The following GANC variants were observed in gnomAD, a reference collection of about 807,000 sequenced individuals.
GANC encodes the protein glucosidase alpha, neutral C, also known as neutral alpha-glucosidase C.
GANC carries 117 observed loss-of-function variants against 124.2 expected under a neutral mutation model. The ratio of observed to expected loss-of-function variants is 0.94; its 90% CI spans 0.81 to 1.10. The LOEUF (loss-of-function observed/expected upper bound fraction) is 1.10. Among genes scored for constraint, GANC ranks in the 50% least tolerant of loss-of-function variants. The pLI is 0.00. For synonymous variants in GANC, 377 were observed against 376.8 expected, an observed-to-expected ratio of 1.00 and a Z score of -0.01; for missense variants, 1,140 against 1,095.0, an observed-to-expected ratio of 1.04 and a Z score of -0.58.
In GANC at chr15:42,327,414, C is replaced by G; in HGVS notation, c.1472C>G (p.Ser491Ter). Residue 491 changes from serine to a stop codon, truncating the protein, a stop_gained, in exon 13 of 24, where the codon TCA becomes TGA. Coordinates refer to ENST00000318010, the MANE Select transcript of GANC (RefSeq NM_198141.3). LOFTEE classifies it high-confidence loss of function. Reference sequence around the variant, plus strand: ...AATCCCAAGGTCAGAGAGTGGTATTCAAGTCTTTTTGCTTTCCCTGTTTAT... The same window carrying G: ...AATCCCAAGGTCAGAGAGTGGTATTGAAGTCTTTTTGCTTTCCCTGTTTAT... ...FTNPKVREWYSSLFAFPVYQG... is the reference protein window; with the variant it reads ...FTNPKVREWY 6.2e-7 allele frequency: 1 copy of G among 1,613,372 alleles called. No homozygotes were observed. Among genetic ancestry groups the G allele is most frequent in the South Asian group, 1.1e-5 (1 of 90,956 alleles).
chr15:42,327,448 T>C lies in GANC; in HGVS notation c.1500+6T>C. On this transcript the variant is annotated splice_donor_region_variant and intron_variant, in intron 13 of 23. Transcript: ENST00000318010. ...TTGCTTTCCCTGTTTATCAGGTTGG[T>C]TTTTATTCCTTTGTTCTTTTCTAGT... 2 of 1,601,048 alleles carry C rather than the reference T, an allele frequency of 1.2e-6. No homozygotes were observed. The highest frequency in any genetic ancestry group is 1.7e-6 in the Non-Finnish European group (2 of 1,168,352).
At chr15:42,295,195 C>G (rs749220541) in intron 5 of GANC, among the ~76,000 whole-genome samples, 2 of 151,832 alleles carry the variant, frequency 1.3e-5, no homozygotes, top group Non-Finnish European at 2.9e-5. Flanking sequence ...AGGATGATCT[C>G]GATCTCCTGA....
At chr15:42,310,971 T>A in intron 10 of GANC, 125 bp downstream of exon 10, 1 of 1,042,632 alleles carries the variant, frequency 9.6e-7, no homozygotes, top group Non-Finnish European at 1.4e-6. Flanking sequence ...GCATTTTAAT[T>A]AGCAAGCATT....
chr15:42,349,282 T>G (rs1282711287), intron 21 of GANC, 101 bp from the exon 22 acceptor site: 17 of 750,850 alleles, frequency 2.3e-5, no homozygotes, highest in Non-Finnish European at 3.9e-5. Flanking sequence ...GCTTGAATTT[T>G]TCACAAACTT....
At position 42,327,367 on chromosome 15, in the gene GANC, C is replaced by T; in HGVS notation, c.1425C>T (p.Leu475=). 1 of 1,612,204 alleles carries T rather than the reference C, an allele frequency of 6.2e-7. No homozygotes were observed. The highest frequency in any genetic ancestry group is 2.2e-5 in the East Asian group (1 of 44,792). ...TCTACTGTTCTGCCTCCACAGGTCTCTCCTCTTACCTGGATTTCACCAATC... is the reference window on the plus strand; with the variant it reads ...TCTACTGTTCTGCCTCCACAGGTCTTTCCTCTTACCTGGATTTCACCAATC... ...EDFEGVCWPG[L]SSYLDFTNPK... Residue 475 remains leucine (L), a synonymous_variant, in exon 13 of 24, where the codon CTC becomes CTT. Coordinates refer to ENST00000318010, the MANE Select transcript of GANC (RefSeq NM_198141.3).
chr15:42,329,391 C>T lies in GANC; in HGVS notation c.1586C>T (p.Ala529Val). The part of the protein sequence containing the change: ...RGPEQTMQKN[A>V]IHHGNWEHRE... ...CCAGAGCAAACCATGCAGAAGAATG[C>T]CATTCATCATGGCAATTGGGAGCAC... is the stretch of plus-strand genomic sequence containing the variant. Residue 529 changes from alanine to valine, a missense_variant, in exon 14 of 24, where the codon GCC becomes GTC. By Grantham distance (64) the Ala-to-Val change is moderately conservative (BLOSUM62 0). Coordinates refer to ENST00000318010, the MANE Select transcript of GANC (RefSeq NM_198141.3). 1 of 1,613,912 alleles carries T rather than the reference C, an allele frequency of 6.2e-7. No individual in the cohort carries two copies.
At chr15:42,297,218 A>G (rs906454559) in intron 5 of GANC, among the ~76,000 whole-genome samples, 6 of 152,230 alleles carry the variant, frequency 3.9e-5, no homozygotes, top group African/African-American at 1.4e-4. Flanking sequence ...ATAAAAAATG[A>G]TAAAAGTATT....
At chr15:42,317,968 C>T (rs1207895853) in intron 10 of GANC, among the ~76,000 whole-genome samples, 1 of 152,202 alleles carries the variant, frequency 6.6e-6, no homozygotes, top group African/African-American at 2.4e-5. Flanking sequence ...TACCCTCCTC[C>T]GTCTCCCATC....
intron 3 of GANC, among the ~76,000 whole-genome samples, chr15:42,282,492 A>G (rs1473563516): frequency 4.6e-5 from 7 of 152,206 alleles, no homozygotes; most frequent in Non-Finnish European, 1.0e-4. Flanking sequence ...TTTCAGGTCA[A>G]GAGGGACAGC....
intron 6 of GANC, among the ~76,000 whole-genome samples, chr15:42,303,752 C>CA (rs1055972166): frequency 6.7e-6 from 1 of 148,546 alleles, no homozygotes; most frequent in South Asian, 2.2e-4. Flanking sequence ...TCAAAAGAGA[C>CA]AAAAAAGGGC....
intron 3 of GANC, among the ~76,000 whole-genome samples, chr15:42,282,028 A>G (rs1315599881): frequency 6.6e-6 from 1 of 152,134 alleles, no homozygotes; most frequent in Non-Finnish European, 1.5e-5. Context: ...CTCTACTAAA[A>G]ATACAAAAAT....
At chr15:42,317,356 A>G (rs2052116022) in intron 10 of GANC, among the ~76,000 whole-genome samples, 2 of 152,212 alleles carry the variant, frequency 1.3e-5, no homozygotes, top group Admixed American at 6.5e-5. Flanking sequence ...TAGCTATGAT[A>G]TGCAAATTTG....
At chr15:42,274,601 G>A in intron 1 of GANC, 91 bp downstream of exon 1, 2 of 1,261,550 alleles carry the variant, frequency 1.6e-6, no homozygotes, top group Non-Finnish European at 2.2e-6. Context: ...TGCGTATTTG[G>A]TATTTGCTGA....
rs1361874359 is a variant in GANC, at chr15:42,352,019, T to C, written c.2636-11T>C. ...ATCAAAATTTCCCTCTTTTATTGTC[T>C]TGCTATTTAGATGGTAAAGATCAGC... On this transcript the variant is annotated splice_polypyrimidine_tract_variant and intron_variant, in intron 23 of 23. Transcript: ENST00000318010. 1.2e-6 allele frequency: 2 copies of C among 1,613,968 alleles called. No individual in the cohort carries two copies. Among genetic ancestry groups the C allele is most frequent in the Non-Finnish European group, 1.7e-6 (2 of 1,179,878 alleles).
At position 42,351,342 on chromosome 15, in the gene GANC, A is replaced by T. The variant is rs781697754; in HGVS notation, c.2545A>T (p.Arg849Trp). 3.7e-6 allele frequency: 6 copies of T among 1,613,678 alleles called. No individual in the cohort carries two copies. The highest frequency in any genetic ancestry group is 4.2e-6 in the Non-Finnish European group (5 of 1,179,680). ...SVLINSFADQ[R>W]GHYPSKCVVE... ...TATCTATTCCAGTTTTGCTGACCAGAGGGGTCATTATCCCAGCAAGTGTGT... is the reference window on the plus strand; with the variant it reads ...TATCTATTCCAGTTTTGCTGACCAGTGGGGTCATTATCCCAGCAAGTGTGT... The change falls in exon 23 of 24, where the codon AGG (arginine) becomes TGG (tryptophan). Residue 849 changes from arginine to tryptophan, a missense_variant. Transcript: ENST00000318010.
chr15:42,284,127 C>A (rs1407147136), intron 3 of GANC: 2 of 612,636 alleles, frequency 3.3e-6, no homozygotes, highest in East Asian at 5.5e-5. Context: ...CCTGGTGCCT[C>A]AGGAAAAGCA....
chr15:42,284,168 G>A (rs2051763031), intron 3 of GANC: 1 of 602,930 alleles, frequency 1.7e-6, no homozygotes, highest in South Asian at 2.0e-5. Flanking sequence ...AGTTGATGGA[G>A]TCATAATTTT....
chr15:42,305,225 A>G (rs1243313384), intron 6 of GANC, among the ~76,000 whole-genome samples: 3 of 152,222 alleles, frequency 2.0e-5, no homozygotes, highest in African/African-American at 7.2e-5. Context: ...ATAAAGGCCT[A>G]ATATCCAGAA....
chr15:42,285,268 C>T (rs951315375), intron 3 of GANC, among the ~76,000 whole-genome samples: 10 of 152,256 alleles, frequency 6.6e-5, no homozygotes, highest in Middle Eastern at 6.8e-3. Context: ...CCTAAGGTTT[C>T]GACAGAGGTG....
Sources: gnomAD v4.1 joint callset for allele counts (sites outside exome capture counted in the v4.1 genomes callset) on GRCh38, gnomAD v4.1.1 for gene constraint, MANE v1.5 for transcripts, NCBI Gene and HGNC (gene_info 2026-07-23, HGNC 2026-07-21) for gene names.